DBX2: variants seen among roughly 807,000 people sequenced by gnomAD.
DBX2 encodes homeobox protein DBX2.
DBX2 carries 16 observed loss-of-function variants against 17.7 expected under a neutral mutation model. That is an observed-to-expected ratio of 0.90 (90% CI 0.61 to 1.37). The LOEUF is 1.37. Ranked by LOEUF, DBX2 falls within the 40% of genes most tolerant of loss-of-function variation. DBX2 has a pLI of 0.00. For missense variants in DBX2, 538 were observed against 433.8 expected (o/e 1.24, Z -2.13); for synonymous variants, 255 against 183.8 (o/e 1.39, Z -3.13).
chr12:45,048,004 C>G (rs1330514889), intron 1 of DBX2, among the ~76,000 whole-genome samples: 1 of 152,156 alleles, frequency 6.6e-6, no homozygotes, highest in Non-Finnish European at 1.5e-5. Context: ...AGGGCCGAGA[C>G]AGTCATCTGT....
rs1946531183 is a variant in DBX2 at position 45,050,991 on chromosome 12, C to T, written c.-64G>A. ...GCCCGCCTGTCGCCCGGGCGCCCCG[C>T]ACCGCACCCAGAGCCGCAGCTTCTC... On this transcript the variant is annotated 5_prime_UTR_variant, in exon 1 of 4. Transcript: ENST00000332700. 24 of 1,335,588 alleles carry T rather than the reference C, an allele frequency of 1.8e-5. No individual in the cohort carries two copies. Among genetic ancestry groups the T allele is most frequent in the Non-Finnish European group, 2.1e-5 (22 of 1,047,564 alleles). The allele number at this position is 1,335,588 out of a possible 1,614,324, so 82.7% of individuals were successfully genotyped here.
chr12:45,037,003 G>T (rs554124823), intron 1 of DBX2, among the ~76,000 whole-genome samples: 1 of 152,256 alleles, frequency 6.6e-6, no homozygotes, highest in East Asian at 1.9e-4. Flanking sequence ...ATGAAAGAGA[G>T]ACCCATTTTG....
At chr12:45,028,331 T>G (rs983511620) in intron 2 of DBX2, among the ~76,000 whole-genome samples, 2 of 152,222 alleles carry the variant, frequency 1.3e-5, no homozygotes, top group Admixed American at 1.3e-4. Flanking sequence ...AAATGTCCTC[T>G]GAGTTAATAA....
Position 45,015,188 on chromosome 12 carries a change from A to C in DBX2, c.*1098T>G, listed in dbSNP as rs561860527. 4.6e-5 allele frequency: 7 copies of C among 152,210 alleles called. No homozygotes were observed. In the South Asian group the frequency reaches 1.4e-3, roughly 32 times the overall value. The allele number at this position is 152,210 out of a possible 1,614,324, so 9.4% of individuals were successfully genotyped here. A position where few individuals can be genotyped will look rare whatever the true frequency, so the allele number is the denominator to read the frequency against. Reference sequence around the variant, plus strand: ...AGATACAATTTCAGGGTAGTCAAAAAACACAAAACATCTGTGTGGTGTTTG... The same window carrying C: ...AGATACAATTTCAGGGTAGTCAAAACACACAAAACATCTGTGTGGTGTTTG... On this transcript the variant is annotated 3_prime_UTR_variant, in exon 4 of 4. Coordinates refer to ENST00000332700, the MANE Select transcript of DBX2 (RefSeq NM_001004329.3).
chr12:45,026,434 C>G (rs962872404), intron 2 of DBX2, among the ~76,000 whole-genome samples: 2 of 152,120 alleles, frequency 1.3e-5, no homozygotes, highest in African/African-American at 4.8e-5. Flanking sequence ...GGCATGAATG[C>G]TACTATTACT....
intron 1 of DBX2, 79 bp downstream of exon 1, chr12:45,050,446 C>A: frequency 6.7e-7 from 1 of 1,499,944 alleles, no homozygotes; most frequent in Non-Finnish European, 8.9e-7. Flanking sequence ...CAGTGCGCAC[C>A]GCCGGCGCTC....
chr12:45,034,835 A>T (rs984904749), intron 2 of DBX2, among the ~76,000 whole-genome samples: 1 of 152,238 alleles, frequency 6.6e-6, no homozygotes, highest in African/African-American at 2.4e-5. Flanking sequence ...CTTTATGACC[A>T]TACAAAAGGG....
chr12:45,046,216 A>G (rs2137033026), intron 1 of DBX2, among the ~76,000 whole-genome samples: 1 of 152,280 alleles, frequency 6.6e-6, no homozygotes, highest in East Asian at 1.9e-4. Context: ...AGAGCTGATT[A>G]CTCATGAACT....
At chr12:45,030,856 C>A (rs551093192) in intron 2 of DBX2, among the ~76,000 whole-genome samples, 1 of 152,304 alleles carries the variant, frequency 6.6e-6, no homozygotes, top group Non-Finnish European at 1.5e-5. Flanking sequence ...CTACCAATAA[C>A]ACTTTCAGAA....
Position 45,042,317 on chromosome 12 carries a change from A to AT in DBX2, c.404-6204dup, listed in dbSNP as rs1305795607. On this transcript the variant is annotated intron_variant, in intron 1 of 3. Transcript: ENST00000332700. ...TGAAATACAGAATAAAAAGAAAAGG[A>AT]TATTTTAAGAAAGCCTTGTTCAAAG... Among the ~76,000 whole-genome samples the AT allele has an allele frequency of 4.6e-5, 7 of 152,342 alleles. No individual in the cohort carries two copies. The East Asian group carries it at 1.2e-3, about 25-fold the overall frequency.
chr12:45,025,714 A>C (rs1946377767), intron 2 of DBX2, among the ~76,000 whole-genome samples: 1 of 141,550 alleles, frequency 7.1e-6, no homozygotes, highest in Admixed American at 7.4e-5. Flanking sequence ...GGTGCTTAAT[A>C]ATTATTTACT....
chr12:45,045,223 T>C lies in DBX2; in HGVS notation c.403+5302A>G, dbSNP rs559951831. On this transcript the variant is annotated intron_variant, in intron 1 of 3. Coordinates refer to ENST00000332700, the MANE Select transcript of DBX2 (RefSeq NM_001004329.3). ...ACTTAAAAGTTGTGTCCTTTCATTGTATATATAAAGAAAAACTACTGTAAT... is the reference window on the plus strand; with the variant it reads ...ACTTAAAAGTTGTGTCCTTTCATTGCATATATAAAGAAAAACTACTGTAAT... Among the ~76,000 whole-genome samples, 104 of 152,334 alleles carry C rather than the reference T, an allele frequency of 6.8e-4. 1 individual carries two copies. Among genetic ancestry groups the C allele is most frequent in the African/African-American group, 2.0e-3 (83 of 41,590 alleles).
At chr12:45,020,819 GTTTGTGTTA>G (rs1946348029) in intron 3 of DBX2, among the ~76,000 whole-genome samples, 1 of 151,820 alleles carries the variant, frequency 6.6e-6, no homozygotes, top group East Asian at 1.9e-4. Flanking sequence ...GCATGCAAGT[GTTTGTGTTA>G]TTATATGTTC....
chr12:45,042,054 G>A (rs2137030703), intron 1 of DBX2, among the ~76,000 whole-genome samples: 1 of 152,202 alleles, frequency 6.6e-6, no homozygotes, highest in East Asian at 1.9e-4. Context: ...CAGATGCCTA[G>A]CCCCCACATC....
intron 1 of DBX2, among the ~76,000 whole-genome samples, chr12:45,039,336 A>T (rs1038485184): frequency 4.3e-5 from 6 of 140,824 alleles, no homozygotes; most frequent in Admixed American, 3.5e-4. Flanking sequence ...TCACACTTTT[A>T]ACTTTAGTGA....
chr12:45,018,284 T>C (rs1031351925), intron 3 of DBX2, among the ~76,000 whole-genome samples: 1 of 152,176 alleles, frequency 6.6e-6, no homozygotes, highest in Non-Finnish European at 1.5e-5. Flanking sequence ...TGTTATTTCC[T>C]CTTCTCTTAG....
At position 45,031,225 on chromosome 12, in the gene DBX2, T is replaced by TGTGTGAGA. The variant is rs1377897653; in HGVS notation, c.499+4793_499+4794insTCTCACAC. 9.2e-3 allele frequency among the ~76,000 whole-genome samples: 787 copies of TGTGTGAGA among 85,626 alleles called. 8 individuals are homozygous for TGTGTGAGA. Among genetic ancestry groups the TGTGTGAGA allele is most frequent in the African/African-American group, 0.02 (430 of 21,734 alleles). 56.2% of individuals were successfully genotyped at this position (85,626 alleles called of 152,430 possible). ...GTGTGTGTGTGTGTGTGTGTGTGTG[T>TGTGTGAGA]GAGAGAGAGAGAGAGAGAGAGAGAG... On this transcript the variant is annotated intron_variant, in intron 2 of 3. Coordinates refer to ENST00000332700, the MANE Select transcript of DBX2 (RefSeq NM_001004329.3).
intron 3 of DBX2, among the ~76,000 whole-genome samples, chr12:45,018,906 A>G (rs1271896326): frequency 4.6e-5 from 7 of 152,028 alleles, no homozygotes; most frequent in South Asian, 2.1e-4. Flanking sequence ...TACAAATGCC[A>G]TATTACTCCA....
At chr12:45,031,225 T>TGTGTGTGTGTGTGTGTGTGTGA (rs1377897653) in intron 2 of DBX2, among the ~76,000 whole-genome samples, 1 of 85,624 alleles carries the variant, frequency 1.2e-5, no homozygotes, top group African/African-American at 4.6e-5. Flanking sequence ...TGTGTGTGTG[T>TGTGTGTGTGTGTGTGTGTGTGA]GAGAGAGAGA....
Sources: allele counts gnomAD v4.1 joint callset (sites outside exome capture counted in the v4.1 genomes callset), GRCh38; gene constraint gnomAD v4.1.1; transcripts MANE v1.5; gene names NCBI Gene and HGNC (gene_info 2026-07-23, HGNC 2026-07-21).